AKAP13: variants seen among roughly 807,000 people sequenced by gnomAD.
AKAP13 encodes the protein A-kinase anchor protein 13.
In AKAP13, 80 loss-of-function variants were observed where a neutral mutation model predicts 264.5. The ratio of observed to expected loss-of-function variants is 0.30; its 90% CI spans 0.25 to 0.36. AKAP13 has a LOEUF of 0.36. Ranked by LOEUF, AKAP13 falls within the 10% of genes least tolerant of loss-of-function variation. The probability of loss-of-function intolerance (pLI) is 1.00; values close to 1 mark genes in which losing one functional copy is unlikely to be tolerated. For missense variants in AKAP13, 3,712 were observed against 3,435.2 expected, an observed-to-expected ratio of 1.08 and a Z score of -2.01; for synonymous variants, 1,380 against 1,250.2, an observed-to-expected ratio of 1.10 and a Z score of -2.19.
chr15:85,580,940 C>G lies in AKAP13; in HGVS notation c.2872C>G (p.Gln958Glu). Residue 958 changes from glutamine (Q) to glutamate (E), a missense_variant, in exon 7 of 37, where the codon CAA (glutamine) becomes GAA (glutamate). Transcript: ENST00000394518. ...AGAGCAGAGAACACCACCTCCTGGA[C>G]AAGATACTCAACAATTTCATGAAAA... ...QEEQRTPPPG[Q>E]DTQQFHEKSI... 6.2e-7 allele frequency: 1 copy of G among 1,614,132 alleles called. No individual in the cohort carries two copies. Among genetic ancestry groups the G allele is most frequent in the African/African-American group, 1.3e-5 (1 of 75,056 alleles).
At chr15:85,464,347 C>G (rs1200938220) in intron 1 of AKAP13, among the ~76,000 whole-genome samples, 4 of 152,160 alleles carry the variant, frequency 2.6e-5, no homozygotes, top group Non-Finnish European at 5.9e-5. Flanking sequence ...TAGGTTGACT[C>G]CAGAGTTTAT....
chr15:85,571,106 G>C (rs1448025818), intron 5 of AKAP13, among the ~76,000 whole-genome samples: 1 of 152,132 alleles, frequency 6.6e-6, no homozygotes, highest in Non-Finnish European at 1.5e-5. Flanking sequence ...TAATCCCAGT[G>C]GGGGAAGATT....
intron 11 of AKAP13, among the ~76,000 whole-genome samples, chr15:85,657,753 G>A (rs2083167685): frequency 1.4e-5 from 2 of 140,976 alleles, no homozygotes; most frequent in East Asian, 4.2e-4. Flanking sequence ...AACAGAAAAT[G>A]TAAGAGCATG....
intron 5 of AKAP13, among the ~76,000 whole-genome samples, chr15:85,555,853 T>G (rs1164152014): frequency 2.0e-5 from 3 of 152,250 alleles, no homozygotes; most frequent in African/African-American, 7.2e-5. Context: ...TTGGTTTGGA[T>G]GCTGTAACCT....
chr15:85,667,333 T>A (rs867577282), intron 13 of AKAP13, among the ~76,000 whole-genome samples: 22 of 152,146 alleles, frequency 1.4e-4, no homozygotes, highest in South Asian at 2.1e-4. Flanking sequence ...TTGCCCCTTT[T>A]AAAAATTTTT....
chr15:85,706,578 T>A (rs1484768634), intron 17 of AKAP13, among the ~76,000 whole-genome samples: 7 of 152,236 alleles, frequency 4.6e-5, no homozygotes. Context: ...TTGACAGCTG[T>A]TTGTCCTTTT....
At position 85,613,691 on chromosome 15, in the gene AKAP13, A is replaced by AAAAAATATAT. The variant is rs1313187436; in HGVS notation, c.4162-25682_4162-25681insAAAATATATA. Among the ~76,000 whole-genome samples, 329 of 91,934 alleles carry AAAAAATATAT rather than the reference A, an allele frequency of 3.6e-3. 7 individuals are homozygous for AAAAAATATAT. Among genetic ancestry groups the AAAAAATATAT allele is most frequent in the South Asian group, 6.2e-3 (17 of 2,748 alleles). The allele number at this position is 91,934 out of a possible 152,430, so 60.3% of individuals were successfully genotyped here. A position where few individuals can be genotyped will look rare whatever the true frequency, so the allele number is the denominator to read the frequency against. On this transcript the variant is annotated intron_variant, in intron 8 of 36. Transcript: ENST00000394518. ...GCCAGACTCCGTCTAAAAAAAAAAAAATATATATATATATATATATATTAG... is the reference window on the plus strand; with the variant it reads ...GCCAGACTCCGTCTAAAAAAAAAAAAAAAAATATATATATATATATATATATATATATTAG...
At chr15:85,548,007 C>T (rs2077816756) in intron 5 of AKAP13, among the ~76,000 whole-genome samples, 1 of 152,062 alleles carries the variant, frequency 6.6e-6, no homozygotes, top group Non-Finnish European at 1.5e-5. Context: ...TAGGAAGTGA[C>T]AATATCAGAT....
chr15:85,570,066 A>T (rs2078756497), intron 5 of AKAP13, among the ~76,000 whole-genome samples: 1 of 104,986 alleles, frequency 9.5e-6, no homozygotes, highest in Admixed American at 1.3e-4. Context: ...ACAGAGCGAG[A>T]CTCCGTCTCA....
At chr15:85,401,914 C>G (rs1176174125) in intron 1 of AKAP13, among the ~76,000 whole-genome samples, 1 of 152,108 alleles carries the variant, frequency 6.6e-6, no homozygotes, top group Non-Finnish European at 1.5e-5. Context: ...GATGGAAACT[C>G]ACTGACTGGT....
Position 85,655,784 on chromosome 15 carries a change from G to A in AKAP13, c.4742G>A (p.Arg1581Gln), listed in dbSNP as rs779545910. Residue 1581 changes from arginine (R) to glutamine (Q), a missense_variant, in exon 11 of 37, where the codon CGG (arginine) becomes CAG (glutamine). By Grantham distance (43) the Arg-to-Gln change is conservative. This residue lies in a region of AKAP13 where 2,759 missense variants were observed against 2,411.7 expected (regional missense o/e 1.14). Coordinates refer to ENST00000394518, the MANE Select transcript of AKAP13 (RefSeq NM_007200.5). ...GCCAGCGATGCAGAAATGAACCACC[G>A]GAGGTGAGATGGGAGGCGGTTTGTT... is the stretch of plus-strand genomic sequence containing the variant. The part of the protein sequence containing the change: ...NAASDAEMNH[R>Q]SSMRVLGDVV... 5 of 1,603,198 alleles carry A rather than the reference G, an allele frequency of 3.1e-6. No individual in the cohort carries two copies. Among genetic ancestry groups the A allele is most frequent in the Non-Finnish European group, 3.4e-6 (4 of 1,171,758 alleles).
chr15:85,490,244 C>G (rs1452677810), intron 2 of AKAP13, among the ~76,000 whole-genome samples: 1 of 152,140 alleles, frequency 6.6e-6, no homozygotes, highest in East Asian at 1.9e-4. Context: ...CTTTATTAGA[C>G]TATAGGGAGT....
intron 5 of AKAP13, among the ~76,000 whole-genome samples, chr15:85,564,803 C>T (rs545352097): frequency 1.5e-4 from 23 of 152,256 alleles, no homozygotes; most frequent in African/African-American, 5.3e-4. Flanking sequence ...CCAACAAATA[C>T]TTGAGTAACT....
intron 3 of AKAP13, 49 bp downstream of exon 3, chr15:85,521,624 C>T: frequency 6.3e-7 from 1 of 1,582,430 alleles, no homozygotes; most frequent in South Asian, 1.1e-5. Context: ...TTCTTAAACC[C>T]TTTTATTCGA....
At position 85,604,850 on chromosome 15, in the gene AKAP13, A is replaced by G. The variant is rs936697854; in HGVS notation, c.4161+19027A>G. 2.0e-5 allele frequency among the ~76,000 whole-genome samples: 3 copies of G among 152,326 alleles called. No individual in the cohort carries two copies. In the South Asian group the frequency reaches 6.2e-4, roughly 32 times the overall value. ...ACCCAGGAAAACCCTACTTATATGA[A>G]AGAAAGATTAGGAAGATTTGGGAAG... On this transcript the variant is annotated intron_variant, in intron 8 of 36. Transcript: ENST00000394518.
intron 3 of AKAP13, among the ~76,000 whole-genome samples, chr15:85,530,827 A>G (rs1232888838): frequency 1.3e-5 from 2 of 152,146 alleles, no homozygotes; most frequent in Admixed American, 1.3e-4. Context: ...AAGTGAGGCT[A>G]TATATGGTGT....
chr15:85,597,749 C>A (rs1348250881), intron 8 of AKAP13, among the ~76,000 whole-genome samples: 3 of 152,138 alleles, frequency 2.0e-5, no homozygotes, highest in Non-Finnish European at 4.4e-5. Context: ...TTCTCCTTTC[C>A]TGAGCATGGC....
chr15:85,556,467 G>A (rs554652698), intron 5 of AKAP13, among the ~76,000 whole-genome samples: 2 of 152,226 alleles, frequency 1.3e-5, no homozygotes, highest in Admixed American at 1.3e-4. Context: ...CTGAAACATG[G>A]CTAAGTGGCA....
At chr15:85,723,041 A>G (rs375137166) in intron 25 of AKAP13, 31 bp from the exon 26 acceptor site, 26 of 1,601,836 alleles carry the variant, frequency 1.6e-5, no homozygotes, top group Non-Finnish European at 2.0e-5. Flanking sequence ...AAAAAGAGCC[A>G]TAAAAAACAG....
Sources: allele counts gnomAD v4.1 joint callset (sites outside exome capture counted in the v4.1 genomes callset), GRCh38; gene constraint gnomAD v4.1.1; regional missense constraint gnomAD v4.1.1; transcripts MANE v1.5; gene names NCBI Gene and HGNC (gene_info 2026-07-23, HGNC 2026-07-21).